IRAG1: variants seen among roughly 807,000 people sequenced by gnomAD.
The protein encoded by IRAG1 is inositol 1,4,5-triphosphate receptor associated 1, also known as IP3R-associated cGMP kinase substrate.
A neutral mutation model predicts 106.2 loss-of-function variants in IRAG1; 62 were observed. The observed-to-expected ratio is 0.58, with a 90% CI of 0.48 to 0.72. The LOEUF (loss-of-function observed/expected upper bound fraction) is 0.72, where lower values mean the gene tolerates loss of function less well. IRAG1 is among the 30% of genes least tolerant of loss of function. The probability of loss-of-function intolerance (pLI) is 0.00; values close to 1 mark genes in which losing one functional copy is unlikely to be tolerated. For synonymous variants in IRAG1, 462 were observed against 443.9 expected, an observed-to-expected ratio of 1.04 and a Z score of -0.51; for missense variants, 1,064 against 1,140.7, an observed-to-expected ratio of 0.93 and a Z score of 0.97.
At chr11:10,603,377 C>T (rs1278570021) in intron 13 of IRAG1, 126 bp from the exon 14 acceptor site, 4 of 1,089,202 alleles carry the variant, frequency 3.7e-6, no homozygotes, top group East Asian at 2.6e-5. Context: ...CTGGTGGGGG[C>T]GATGGTTTGG....
At chr11:10,581,740 C>G (rs972801791) in intron 19 of IRAG1, 127 bp downstream of exon 19, 6 of 1,168,640 alleles carry the variant, frequency 5.1e-6, no homozygotes, top group Non-Finnish European at 7.1e-6. Flanking sequence ...GTAGTTCCTT[C>G]CTGTGGCAAG....
At chr11:10,581,299 C>T (rs886778173) in intron 19 of IRAG1, among the ~76,000 whole-genome samples, 4 of 152,064 alleles carry the variant, frequency 2.6e-5, no homozygotes, top group South Asian at 2.1e-4. Context: ...AGACAGGAGA[C>T]GCATAGGGCA....
At chr11:10,616,104 G>A (rs549341725) in intron 10 of IRAG1, among the ~76,000 whole-genome samples, 1 of 151,330 alleles carries the variant, frequency 6.6e-6, no homozygotes, top group Middle Eastern at 3.4e-3. Context: ...AGGACATCGA[G>A]ACCATCCTGG....
intron 1 of IRAG1, among the ~76,000 whole-genome samples, chr11:10,686,733 G>C (rs1861684983): frequency 6.6e-6 from 1 of 152,136 alleles, no homozygotes; most frequent in Non-Finnish European, 1.5e-5. Context: ...GTTTTGGTTT[G>C]ACTCTCATTC....
chr11:10,686,109 C>T (rs1377121301), intron 1 of IRAG1, among the ~76,000 whole-genome samples: 1 of 152,146 alleles, frequency 6.6e-6, no homozygotes, highest in Non-Finnish European at 1.5e-5. Context: ...TGGGGGCATC[C>T]AAAATAGAGG....
At chr11:10,625,040 C>T (rs1174312603) in intron 9 of IRAG1, among the ~76,000 whole-genome samples, 4 of 152,182 alleles carry the variant, frequency 2.6e-5, no homozygotes, top group African/African-American at 7.2e-5. Flanking sequence ...TCAGCAGCCA[C>T]GCCCCAGCTC....
At chr11:10,593,468 G>C (rs776420443) in intron 17 of IRAG1, 24 bp downstream of exon 17, 51 of 1,589,990 alleles carry the variant, frequency 3.2e-5, no homozygotes, top group Non-Finnish European at 4.3e-5. Flanking sequence ...TTCTGTGCTG[G>C]GAGGCAGACA....
In IRAG1 at chr11:10,665,629, T is replaced by C. The variant is rs2135057323; in HGVS notation, c.68-13447A>G. Among the ~76,000 whole-genome samples, 1 of 152,222 alleles carries C rather than the reference T, an allele frequency of 6.6e-6. No individual in the cohort carries two copies. The highest frequency in any genetic ancestry group is 2.4e-5 in the African/African-American group (1 of 41,510). On this transcript the variant is annotated intron_variant, in intron 1 of 20. Transcript: ENST00000423302. The surrounding 1 kb of genome is among the most constrained non-coding windows in gnomAD (Gnocchi z 4.2). ...CCAAGACCGGGACAATGATTGGCTG[T>C]GTGAACAGGCTCGCAGCCCTGTGCT...
rs1269170676 is a variant in IRAG1, at chr11:10,609,021, C to G, written c.1571+707G>C. 2.0e-5 allele frequency among the ~76,000 whole-genome samples: 3 copies of G among 152,270 alleles called. No homozygotes were observed. The East Asian group carries it at 5.8e-4, about 29-fold the overall frequency. ...TTTGTGTGAGGTAGGGGTCCAACTT[C>G]ACTCTTTTGTATGTGGCTATCCAGT... On this transcript the variant is annotated intron_variant, in intron 11 of 20. Transcript: ENST00000423302.
chr11:10,690,487 C>A (rs1488070840), intron 1 of IRAG1: 1 of 1,215,416 alleles, frequency 8.2e-7, no homozygotes, highest in Non-Finnish European at 1.0e-6. Context: ...TGAGTTACCT[C>A]TGCTAAGACT....
intron 15 of IRAG1, chr11:10,600,065 C>A (rs2134298595): frequency 6.6e-6 from 1 of 152,358 alleles, no homozygotes; most frequent in South Asian, 2.1e-4. Flanking sequence ...TGTTTTCACC[C>A]CCAACCTCCA....
chr11:10,586,781 T>A (rs1327847770), intron 18 of IRAG1, among the ~76,000 whole-genome samples: 1 of 152,016 alleles, frequency 6.6e-6, no homozygotes, highest in Non-Finnish European at 1.5e-5. Context: ...GAGGCATTGA[T>A]GTATGTTTTA....
At chr11:10,600,793 C>A in intron 15 of IRAG1, 125 bp downstream of exon 15, 1 of 1,314,028 alleles carries the variant, frequency 7.6e-7, no homozygotes, top group Non-Finnish European at 1.0e-6. Flanking sequence ...GTGGGCAGCA[C>A]TAGACAGGAG....
intron 10 of IRAG1, among the ~76,000 whole-genome samples, chr11:10,613,162 G>A (rs1436896304): frequency 1.3e-5 from 2 of 150,954 alleles, no homozygotes; most frequent in Admixed American, 1.3e-4. Context: ...CATATTCAAA[G>A]ATATAACAGA....
At chr11:10,674,646 G>C (rs1860506653) in intron 1 of IRAG1, among the ~76,000 whole-genome samples, 1 of 152,180 alleles carries the variant, frequency 6.6e-6, no homozygotes, top group African/African-American at 2.4e-5. Context: ...CTGGCGACCT[G>C]GCCCAATGAA....
intron 10 of IRAG1, among the ~76,000 whole-genome samples, chr11:10,614,395 C>A (rs1471846263): frequency 1.3e-5 from 2 of 152,144 alleles, no homozygotes; most frequent in African/African-American, 4.8e-5. Context: ...TTCATGCCAT[C>A]CCCATCAAGC....
Position 10,665,657 on chromosome 11 carries a change from G to T in IRAG1, c.68-13475C>A, listed in dbSNP as rs1005354306. Among the ~76,000 whole-genome samples, 3 of 152,158 alleles carry T rather than the reference G, an allele frequency of 2.0e-5. No individual in the cohort carries two copies. Among genetic ancestry groups the T allele is most frequent in the African/African-American group, 7.2e-5 (3 of 41,424 alleles). On this transcript the variant is annotated intron_variant, in intron 1 of 20. Coordinates refer to ENST00000423302, the MANE Select transcript of IRAG1 (RefSeq NM_130385.4). The surrounding 1 kb of genome is among the most constrained non-coding windows in gnomAD (Gnocchi z 4.2). ...GAACAGGCTCGCAGCCCTGTGCTTG[G>T]AACCCCAGCACCAGAGTTTAGGGTG...
intron 18 of IRAG1, chr11:10,589,188 CTGCTTTGTCACTGTA>C (rs1420024993): frequency 4.6e-5 from 7 of 152,274 alleles, no homozygotes; most frequent in Middle Eastern, 3.4e-3. Context: ...AGTGCCCTTC[CTGCTTTGTCACTGTA>C]TGCTTAGGAA....
chr11:10,622,187 AAGTC>A (rs1283683881), intron 10 of IRAG1, among the ~76,000 whole-genome samples: 1 of 152,214 alleles, frequency 6.6e-6, no homozygotes, highest in African/African-American at 2.4e-5. Flanking sequence ...ATACAAAAGA[AAGTC>A]AAGAAAGTAG....
Sources: allele counts gnomAD v4.1 joint callset (sites outside exome capture counted in the v4.1 genomes callset), GRCh38; gene constraint gnomAD v4.1.1; non-coding constraint Gnocchi (gnomAD v3.1); transcripts MANE v1.5; gene names NCBI Gene and HGNC (gene_info 2026-07-23, HGNC 2026-07-21).